ZNF28: variants seen among roughly 807,000 people sequenced by gnomAD.
The protein encoded by ZNF28 is zinc finger protein KOX24.
In ZNF28, 5 loss-of-function variants were observed where a neutral mutation model predicts 7.2. That is an observed-to-expected ratio of 0.70 (90% CI 0.36 to 1.46). ZNF28 has a LOEUF of 1.46. ZNF28 is among the 40% of genes most tolerant of loss of function. ZNF28 has a pLI of 0.03. For synonymous variants in ZNF28, 288 were observed against 292.4 expected (o/e 0.99, Z 0.15); for missense variants, 879 against 866.6 (o/e 1.01, Z -0.18).
At chr19:52,804,515 C>T (rs1213940719) in intron 3 of ZNF28, among the ~76,000 whole-genome samples, 12 of 151,742 alleles carry the variant, frequency 7.9e-5, no homozygotes, top group Non-Finnish European at 1.5e-4. Context: ...GGATTACAGG[C>T]GCACGCCACC....
intron 2 of ZNF28, chr19:52,810,528 A>G (rs1600454739): frequency 6.3e-7 from 1 of 1,597,488 alleles, no homozygotes; most frequent in East Asian, 2.2e-5. Flanking sequence ...GTGATCCCAA[A>G]GCGAACCAAC....
chr19:52,811,559 T>G (rs2063039962), intron 2 of ZNF28, among the ~76,000 whole-genome samples: 1 of 143,918 alleles, frequency 6.9e-6, no homozygotes. Flanking sequence ...GTCTGGGATG[T>G]GAGGAGCGCC....
intron 1 of ZNF28, among the ~76,000 whole-genome samples, chr19:52,820,378 A>G (rs2063180633): frequency 7.2e-6 from 1 of 139,630 alleles, no homozygotes; most frequent in South Asian, 2.4e-4. Context: ...CGGCCTCCCA[A>G]AGTGCTGGGA....
intron 2 of ZNF28, among the ~76,000 whole-genome samples, chr19:52,816,784 T>G (rs117645972): frequency 0.038 from 5,702 of 151,434 alleles, 144 homozygotes; most frequent in Middle Eastern, 0.068. Context: ...TAAGCTGAGA[T>G]CATGCCACTG....
intron 1 of ZNF28, among the ~76,000 whole-genome samples, chr19:52,818,597 C>T (rs1353113764): frequency 6.6e-6 from 1 of 152,130 alleles, no homozygotes; most frequent in Non-Finnish European, 1.5e-5. Context: ...GTAATCCCAG[C>T]TACTCAGGAG....
intron 2 of ZNF28, among the ~76,000 whole-genome samples, chr19:52,813,234 A>T (rs1427419922): frequency 2.8e-4 from 38 of 137,948 alleles, no homozygotes; most frequent in Non-Finnish European, 1.1e-4. Flanking sequence ...TATGAAGATT[A>T]AAAACTTGAA....
At chr19:52,809,861 TG>T in intron 2 of ZNF28, 1 of 649,800 alleles carries the variant, frequency 1.5e-6, no homozygotes, top group Non-Finnish European at 2.7e-6. Context: ...GCAGTAGCAC[TG>T]GGCCTGCGGG....
In ZNF28 at chr19:52,798,556, T is replaced by C. The variant is rs1000097013; in HGVS notation, c.*1132A>G. 21 of 505,608 alleles carry C rather than the reference T, an allele frequency of 4.2e-5. No homozygotes were observed. Among genetic ancestry groups the C allele is most frequent in the African/African-American group, 3.5e-4 (18 of 51,036 alleles). 31.3% of individuals were successfully genotyped at this position (505,608 alleles called of 1,614,324 possible). A position where few individuals can be genotyped will look rare whatever the true frequency, so the allele number is the denominator to read the frequency against. ...CCAGCATGGATTCTCTGATGTCTAT[T>C]GAGGTGTGAATGTGAAGTAAACGCT... is the stretch of plus-strand genomic sequence containing the variant. On this transcript the variant is annotated 3_prime_UTR_variant, in exon 4 of 4. Coordinates refer to ENST00000457749, the MANE Select transcript of ZNF28 (RefSeq NM_006969.5).
chr19:52,817,381 T>A (rs1236729926), intron 2 of ZNF28, among the ~76,000 whole-genome samples: 3 of 152,160 alleles, frequency 2.0e-5, no homozygotes, highest in Non-Finnish European at 4.4e-5. Flanking sequence ...TCAAAAAAAA[T>A]AATAATAATG....
intron 3 of ZNF28, among the ~76,000 whole-genome samples, chr19:52,803,309 G>A (rs1004068748): frequency 5.9e-5 from 9 of 151,584 alleles, no homozygotes; most frequent in Admixed American, 2.0e-4. Context: ...TCGAACTCCT[G>A]ACCTCAGATG....
chr19:52,808,234 T>G (rs1210225640), intron 2 of ZNF28, 101 bp from the exon 3 acceptor site: 2 of 1,545,422 alleles, frequency 1.3e-6, no homozygotes, highest in East Asian at 2.3e-5. Flanking sequence ...TTGTAGTGAA[T>G]GTTCTCACAA....
chr19:52,800,579 A>C lies in ZNF28; in HGVS notation c.1266T>G (p.Tyr422Ter). The C allele has an allele frequency of 6.2e-7, 1 of 1,612,780 alleles. No homozygotes were observed. Among genetic ancestry groups the C allele is most frequent in the East Asian group, 2.2e-5 (1 of 44,784 alleles). Reference protein sequence around the residue: ...KCKVCDKAFAYNSYLAKHSII... With the variant: ...KCKVCDKAFA Reference sequence around the variant, plus strand: ...TACTATGTTTTGCCAGGTATGAATTATATGCAAAAGCCTTGTCACAAACCT... The same window carrying C: ...TACTATGTTTTGCCAGGTATGAATTCTATGCAAAAGCCTTGTCACAAACCT... The change falls in exon 4 of 4, where the codon TAT (tyrosine) becomes TAG (stop). Residue 422 changes from tyrosine to a stop codon, truncating the protein, a stop_gained. Coordinates refer to ENST00000457749, the MANE Select transcript of ZNF28 (RefSeq NM_006969.5). LOFTEE classifies it low-confidence loss of function (END_TRUNC).
chr19:52,821,330 T>C (rs1275119878), intron 1 of ZNF28, among the ~76,000 whole-genome samples: 1 of 151,090 alleles, frequency 6.6e-6, no homozygotes, highest in Non-Finnish European at 1.5e-5. Context: ...CAAAAAAAGG[T>C]TTTGAGCAGG....
chr19:52,815,023 C>T (rs2063103810), intron 2 of ZNF28, among the ~76,000 whole-genome samples: 1 of 145,316 alleles, frequency 6.9e-6, no homozygotes, highest in Admixed American at 7.0e-5. Context: ...TCATTTTCCC[C>T]AGACTTTCAA....
chr19:52,810,914 CCT>C lies in ZNF28; in HGVS notation c.16-2783_16-2782del, dbSNP rs1421312522. Among the ~76,000 whole-genome samples the C allele has an allele frequency of 1.5e-3, 155 of 103,330 alleles. 7 individuals are homozygous for C. Among genetic ancestry groups the C allele is most frequent in the African/African-American group, 5.9e-3 (141 of 23,972 alleles). The allele number at this position is 103,330 out of a possible 152,430, so 67.8% of individuals were successfully genotyped here. A position where few individuals can be genotyped will look rare whatever the true frequency, so the allele number is the denominator to read the frequency against. On this transcript the variant is annotated intron_variant, in intron 2 of 3. Coordinates refer to ENST00000457749, the MANE Select transcript of ZNF28 (RefSeq NM_006969.5). ...CCCCCTCCCCCTCCCTCTCCCTCTC[CCT>C]CCACAGTCTCCCTCTGATGCCGAGC...
rs753527666 is a variant in ZNF28, at chr19:52,801,303, C to G, written c.542G>C (p.Cys181Ser). 29 of 1,614,098 alleles carry G rather than the reference C, an allele frequency of 1.8e-5. No homozygotes were observed. Among genetic ancestry groups the G allele is most frequent in the Non-Finnish European group, 2.4e-5 (28 of 1,180,002 alleles). Reference sequence around the variant, plus strand: ...AGAAATATGGGTTTTGGGCCTACAACAAATTCTTTGGGATGTTGAAACTGA... The same window carrying G: ...AGAAATATGGGTTTTGGGCCTACAAGAAATTCTTTGGGATGTTGAAACTGA... ...ASSVSTSQRI[C>S]CRPKTHISNK... is the part of the protein sequence containing the mutation. Residue 181 changes from cysteine (C) to serine (S), a missense_variant, in exon 4 of 4, where the codon TGT becomes TCT. Cys to Ser is a moderately radical substitution (Grantham distance 112). This residue lies in a region of ZNF28 where 864 missense variants were observed against 830.2 expected (regional missense o/e 1.04). Coordinates refer to ENST00000457749, the MANE Select transcript of ZNF28 (RefSeq NM_006969.5).
chr19:52,804,154 A>G (rs59757319), intron 3 of ZNF28, among the ~76,000 whole-genome samples: 2,588 of 152,294 alleles, frequency 0.017, 81 homozygotes, highest in African/African-American at 0.059. Flanking sequence ...ATTAGGACAC[A>G]GCAGGAATAT....
At chr19:52,808,743 G>C (rs115400287) in intron 2 of ZNF28, among the ~76,000 whole-genome samples, 4,182 of 152,218 alleles carry the variant, frequency 0.027, 71 homozygotes, top group African/African-American at 0.04. Context: ...GACCCTGAGG[G>C]TGGAGGTTGC....
chr19:52,816,960 A>G (rs1328928651), intron 2 of ZNF28, among the ~76,000 whole-genome samples: 3 of 151,868 alleles, frequency 2.0e-5, no homozygotes, highest in Non-Finnish European at 4.4e-5. Context: ...ACTTTTACCA[A>G]AAACACCTGT....
Sources: allele counts gnomAD v4.1 joint callset (sites outside exome capture counted in the v4.1 genomes callset), GRCh38; gene constraint gnomAD v4.1.1; regional missense constraint gnomAD v4.1.1; transcripts MANE v1.5; gene names NCBI Gene and HGNC (gene_info 2026-07-23, HGNC 2026-07-21).